Variants in KMT5C observed in about 807,000 individuals in gnomAD.
The protein encoded by KMT5C is lysine methyltransferase 5C.
Under a neutral mutation model 38.2 loss-of-function variants are expected in KMT5C, and 16 were observed. That is an observed-to-expected ratio of 0.42 (90% CI 0.28 to 0.64). The LOEUF (loss-of-function observed/expected upper bound fraction) is 0.64, where lower values mean the gene tolerates loss of function less well. KMT5C is among the 30% of genes least tolerant of loss of function. The pLI is 0.23. For synonymous variants in KMT5C, 291 were observed against 279.0 expected (o/e 1.04, Z -0.43); for missense variants, 598 against 665.1 (o/e 0.90, Z 1.11).
At position 55,343,218 on chromosome 19, in the gene KMT5C, TG is replaced by T. The variant is rs1185900149; in HGVS notation, c.386+373del. ...CGGGGTTCACAGTCTGGTGAGGAGG[TG>T]GGGGGCAGACAAGTCAACATGCAGT... On this transcript the variant is annotated intron_variant, in intron 4 of 8. Coordinates refer to ENST00000255613, the MANE Select transcript of KMT5C (RefSeq NM_032701.4). This position sits in a 1 kb window ranked among gnomAD's most constrained non-coding sequence, Gnocchi z 5.5. 6 of 279,354 alleles carry T rather than the reference TG, an allele frequency of 2.1e-5. No individual in the cohort carries two copies. Among genetic ancestry groups the T allele is most frequent in the Non-Finnish European group, 3.4e-5 (5 of 145,408 alleles). 17.3% of individuals were successfully genotyped at this position (279,354 alleles called of 1,614,324 possible).
At chr19:55,342,933 T>A in intron 4 of KMT5C, 82 bp downstream of exon 4, 1 of 919,380 alleles carries the variant, frequency 1.1e-6, no homozygotes, top group Non-Finnish European at 1.8e-6. Flanking sequence ...GTTCATGGAC[T>A]GGCCAACCGG....
chr19:55,346,854 G>A, intron 8 of KMT5C, 102 bp from the exon 9 acceptor site: 5 of 774,558 alleles, frequency 6.5e-6, no homozygotes, highest in Non-Finnish European at 1.1e-5. Context: ...TCTGGGGAGC[G>A]CAGGGCAGGG....
intron 6 of KMT5C, chr19:55,345,288 C>T (rs941175365): frequency 7.7e-5 from 27 of 351,698 alleles, no homozygotes; most frequent in African/African-American, 3.9e-4. Context: ...TGCCCAGCGA[C>T]GGCTTTGATC....
chr19:55,342,724 C>G lies in KMT5C; in HGVS notation c.277-18C>G. 1 of 1,448,514 alleles carries G rather than the reference C, an allele frequency of 6.9e-7. No individual in the cohort carries two copies. Among genetic ancestry groups the G allele is most frequent in the Admixed American group, 1.7e-5 (1 of 59,750 alleles). 89.7% of individuals were successfully genotyped at this position (1,448,514 alleles called of 1,614,324 possible). On this transcript the variant is annotated intron_variant, in intron 3 of 8. Transcript: ENST00000255613. ...TGCCCCTGCCCCGCCTCCTCACCCC[C>G]ACCCTCACCCTCACCAGGTCTATCG...
At chr19:55,344,375 AAAAAG>A in intron 6 of KMT5C, 1 of 283,114 alleles carries the variant, frequency 3.5e-6, no homozygotes, top group Non-Finnish European at 6.9e-6. Flanking sequence ...AAAAAAAAAA[AAAAAG>A]AGCCAAATGC....
chr19:55,344,993 G>C (rs1020380532), intron 6 of KMT5C: 1 of 458,904 alleles, frequency 2.2e-6, no homozygotes, highest in African/African-American at 2.0e-5. Context: ...CAAGTGTGCC[G>C]GAGGGTTTTG....
intron 6 of KMT5C, among the ~76,000 whole-genome samples, chr19:55,345,386 T>C (rs1247543866): frequency 6.6e-6 from 1 of 152,028 alleles, no homozygotes; most frequent in Admixed American, 6.5e-5. Flanking sequence ...TAGGTCACCC[T>C]GGAGGCCCAT....
At chr19:55,340,847 C>T (rs1433275720) in intron 1 of KMT5C, among the ~76,000 whole-genome samples, 1 of 151,936 alleles carries the variant, frequency 6.6e-6, no homozygotes, top group African/African-American at 2.4e-5. Flanking sequence ...CCCACAGCCC[C>T]CTGCCGTGCC....
At position 55,343,362 on chromosome 19, in the gene KMT5C, G is replaced by T. The variant is rs901625272; in HGVS notation, c.387-318G>T. 4.8e-6 allele frequency: 2 copies of T among 418,096 alleles called. No homozygotes were observed. Among genetic ancestry groups the T allele is most frequent in the East Asian group, 4.4e-5 (1 of 22,840 alleles). The allele number at this position is 418,096 out of a possible 1,614,324, so 25.9% of individuals were successfully genotyped here. ...CCTGAGGGTCTGGTGGGGCGAGTAGGGGGTAGTCCAGGCAGGAGGGATTTG... is the reference window on the plus strand; with the variant it reads ...CCTGAGGGTCTGGTGGGGCGAGTAGTGGGTAGTCCAGGCAGGAGGGATTTG... On this transcript the variant is annotated intron_variant, in intron 4 of 8. Coordinates refer to ENST00000255613, the MANE Select transcript of KMT5C (RefSeq NM_032701.4). The surrounding 1 kb of genome is among the most constrained non-coding windows in gnomAD (Gnocchi z 5.5).
chr19:55,346,815 G>T (rs529531309), intron 8 of KMT5C, 128 bp downstream of exon 8: 2 of 601,586 alleles, frequency 3.3e-6, no homozygotes, highest in African/African-American at 4.3e-5. Flanking sequence ...GGCAGGCCTC[G>T]CTGTTGAGCA....
intron 2 of KMT5C, 27 bp downstream of exon 2, chr19:55,342,073 G>A (rs763441689): frequency 9.4e-6 from 15 of 1,593,394 alleles, no homozygotes; most frequent in Non-Finnish European, 1.3e-5. Context: ...GCGAGGGTGG[G>A]CCCGAGGGGT....
chr19:55,342,282 G>A lies in KMT5C; in HGVS notation c.178G>A (p.Asp60Asn), dbSNP rs771642820. The change falls in exon 3 of 9, where the codon GAC becomes AAC. Residue 60 changes from aspartate (D) to asparagine (N), a missense_variant. Coordinates refer to ENST00000255613, the MANE Select transcript of KMT5C (RefSeq NM_032701.4). ...GCTGGAAACTTTCCTGAGGCAGCGG[G>A]ACCTGGAGGCTGCGTACCGGGCCCT... Reference protein sequence around the residue: ...SALETFLRQRDLEAAYRALTL... With the variant: ...SALETFLRQRNLEAAYRALTL... 5.6e-6 allele frequency: 9 copies of A among 1,605,540 alleles called. No homozygotes were observed. In the Admixed American group the frequency reaches 1.5e-4, roughly 27 times the overall value.
At chr19:55,344,418 G>C in intron 6 of KMT5C, 1 of 322,498 alleles carries the variant, frequency 3.1e-6, no homozygotes, top group Non-Finnish European at 6.1e-6. Context: ...GCTTCCCACG[G>C]GTCCTGGAAG....
chr19:55,342,606 CTGAGGCCCCGAGAGGGAACA>C, intron 3 of KMT5C, 116 bp from the exon 4 acceptor site: 1 of 651,018 alleles, frequency 1.5e-6, no homozygotes, highest in South Asian at 1.8e-5. Flanking sequence ...GATGAGGAAA[CTGAGGCCCCGAGAGGGAACA>C]TGAGGCCCCC....
In KMT5C at chr19:55,346,959, C is replaced by CCT. The variant is rs1398770643; in HGVS notation, c.900_901dup (p.Cys301SerfsTer128). On this transcript the variant is annotated frameshift_variant, in exon 9 of 9. Transcript: ENST00000255613. LOFTEE classifies it low-confidence loss of function (END_TRUNC). ...CCTGCCACCTGGGCCTTCACAGCCG[C>CCT]CTGCCAGCCCCTGCGCCTGCCAGCC... The CCT allele has an allele frequency of 1.0e-6, 1 of 962,802 alleles. No homozygotes were observed. The highest frequency in any genetic ancestry group is 1.8e-5 in the Admixed American group (1 of 56,744). The allele number at this position is 962,802 out of a possible 1,614,324, so 59.6% of individuals were successfully genotyped here. A position where few individuals can be genotyped will look rare whatever the true frequency, so the allele number is the denominator to read the frequency against.
rs1569019799 is a variant in KMT5C at position 55,342,735 on chromosome 19, T to C, written c.277-7T>C. 2.2e-6 allele frequency: 3 copies of C among 1,341,780 alleles called. No individual in the cohort carries two copies. The highest frequency in any genetic ancestry group is 1.1e-6 in the Non-Finnish European group (1 of 939,982). The allele number at this position is 1,341,780 out of a possible 1,614,324, so 83.1% of individuals were successfully genotyped here. A position where few individuals can be genotyped will look rare whatever the true frequency, so the allele number is the denominator to read the frequency against. ...CGCCTCCTCACCCCCACCCTCACCC[T>C]CACCAGGTCTATCGCTACCTCCGTG... On this transcript the variant is annotated splice_polypyrimidine_tract_variant and splice_region_variant and intron_variant, in intron 3 of 8. Coordinates refer to ENST00000255613, the MANE Select transcript of KMT5C (RefSeq NM_032701.4).
intron 1 of KMT5C, among the ~76,000 whole-genome samples, chr19:55,341,239 TC>T (rs1305414429): frequency 2.0e-5 from 3 of 146,588 alleles, no homozygotes; most frequent in Non-Finnish European, 4.5e-5. Flanking sequence ...TGAGCCCCCC[TC>T]CCCTGGAATC....
At position 55,339,929 on chromosome 19, in the gene KMT5C, G is replaced by C. The variant is rs1314831023; in HGVS notation, c.-172G>C. The C allele has an allele frequency of 6.5e-6, 1 of 154,118 alleles. No homozygotes were observed. The highest frequency in any genetic ancestry group is 1.4e-5 in the Non-Finnish European group (1 of 69,290). The allele number at this position is 154,118 out of a possible 1,614,324, so 9.5% of individuals were successfully genotyped here. A position where few individuals can be genotyped will look rare whatever the true frequency, so the allele number is the denominator to read the frequency against. ...TGGGAGGTGTTGGCGGCGGCGGCGC[G>C]GGCGCCTGAGGAGGAGGAGGAGAAG... is the stretch of plus-strand genomic sequence containing the variant. On this transcript the variant is annotated 5_prime_UTR_variant, in exon 1 of 9. Coordinates refer to ENST00000255613, the MANE Select transcript of KMT5C (RefSeq NM_032701.4).
rs752079842 is a variant in KMT5C, at chr19:55,342,319, G to A, written c.215G>A (p.Gly72Asp). 2 of 1,577,046 alleles carry A rather than the reference G, an allele frequency of 1.3e-6. No homozygotes were observed. Among genetic ancestry groups the A allele is most frequent in the East Asian group, 4.7e-5 (2 of 42,796 alleles). Residue 72 changes from glycine (G) to aspartate (D), a missense_variant, in exon 3 of 9, where the codon GGC (glycine) becomes GAC (aspartate). Physicochemically the swap from Gly to Asp is moderately conservative, Grantham distance 94 (BLOSUM62 -1). Transcript: ENST00000255613. ...EAAYRALTLG[G>D]WTARYFQSRG... Reference sequence around the variant, plus strand: ...GCGTACCGGGCCCTGACGCTGGGAGGCTGGACGGCCCGCTACTTCCAGAGC... The same window carrying A: ...GCGTACCGGGCCCTGACGCTGGGAGACTGGACGGCCCGCTACTTCCAGAGC...
Sources: allele counts gnomAD v4.1 joint callset (sites outside exome capture counted in the v4.1 genomes callset), GRCh38; gene constraint gnomAD v4.1.1; non-coding constraint Gnocchi (gnomAD v3.1); transcripts MANE v1.5; gene names NCBI Gene and HGNC (gene_info 2026-07-23, HGNC 2026-07-21).